MACROD2: variants seen among roughly 807,000 people sequenced by gnomAD.
MACROD2 encodes mono-ADP ribosylhydrolase 2.
MACROD2 carries 36 observed loss-of-function variants against 70.4 expected under a neutral mutation model. The observed-to-expected ratio is 0.51, with a 90% CI of 0.39 to 0.68. MACROD2 has a LOEUF of 0.68. MACROD2 is among the 30% of genes least tolerant of loss of function. The pLI is 0.00. For synonymous variants in MACROD2, 172 were observed against 178.8 expected (o/e 0.96, Z 0.30); for missense variants, 496 against 538.4 (o/e 0.92, Z 0.78).
chr20:14,084,337 T>G (rs1601202491), intron 2 of MACROD2, among the ~76,000 whole-genome samples: 1 of 152,040 alleles, frequency 6.6e-6, no homozygotes, highest in African/African-American at 2.4e-5. Flanking sequence ...CATTAAAAAT[T>G]TATGCATATC....
intron 3 of MACROD2, among the ~76,000 whole-genome samples, chr20:14,126,671 A>T (rs1160835546): frequency 6.6e-6 from 1 of 152,056 alleles, no homozygotes; most frequent in East Asian, 1.9e-4. Context: ...AATTTAAAAC[A>T]TTTTCAATTA....
intron 15 of MACROD2, among the ~76,000 whole-genome samples, chr20:16,006,149 G>T (rs1470252293): frequency 6.6e-6 from 1 of 152,042 alleles, no homozygotes; most frequent in Non-Finnish European, 1.5e-5. Context: ...CCTTCTTTAG[G>T]CACTTTAAAT....
chr20:15,927,816 TAA>T (rs1010609398), intron 10 of MACROD2, among the ~76,000 whole-genome samples: 62 of 152,188 alleles, frequency 4.1e-4, no homozygotes, highest in Admixed American at 2.4e-3. Context: ...GGTTTGGAAC[TAA>T]CATTCCCTCC....
chr20:15,759,132 C>A (rs1406446247), intron 8 of MACROD2, among the ~76,000 whole-genome samples: 2 of 106,532 alleles, frequency 1.9e-5, no homozygotes, highest in African/African-American at 7.6e-5. Context: ...GGTGACAGAG[C>A]AAGACTCCAT....
In MACROD2 at chr20:14,067,123, G is replaced by GTTTTTTT. The variant is rs544348706; in HGVS notation, c.164-18485_164-18479dup. On this transcript the variant is annotated intron_variant, in intron 2 of 17. Coordinates refer to ENST00000684519, the MANE Select transcript of MACROD2 (RefSeq NM_001351661.2). ...ACTGCACCTGGCCTGATTTTTTAGTGTTTTTTTTTTTTTTTTTTTGAGACA... is the reference window on the plus strand; with the variant it reads ...ACTGCACCTGGCCTGATTTTTTAGTGTTTTTTTTTTTTTTTTTTTTTTTTTTGAGACA... Among the ~76,000 whole-genome samples, 234 of 85,036 alleles carry GTTTTTTT rather than the reference G, an allele frequency of 2.8e-3. 3 individuals are homozygous for GTTTTTTT. The highest frequency in any genetic ancestry group is 4.7e-3 in the East Asian group (13 of 2,794). The allele number at this position is 85,036 out of a possible 152,430, so 55.8% of individuals were successfully genotyped here.
At chr20:15,328,847 GAAAAGAATGCC>G (rs1202243659) in intron 6 of MACROD2, among the ~76,000 whole-genome samples, 1 of 151,876 alleles carries the variant, frequency 6.6e-6, no homozygotes, top group Non-Finnish European at 1.5e-5. Flanking sequence ...CTAAAATTCA[GAAAAGAATGCC>G]AAAAGATATT....
At chr20:15,152,520 C>A (rs908058017) in intron 5 of MACROD2, among the ~76,000 whole-genome samples, 1 of 151,742 alleles carries the variant, frequency 6.6e-6, no homozygotes, top group Admixed American at 6.6e-5. Flanking sequence ...GGGATCGGGG[C>A]ACAGAGATAA....
chr20:15,292,958 T>G (rs1278147434), intron 6 of MACROD2, among the ~76,000 whole-genome samples: 3 of 152,130 alleles, frequency 2.0e-5, no homozygotes, highest in Non-Finnish European at 4.4e-5. Flanking sequence ...TCTGATGGAG[T>G]GAGGTCCCTG....
chr20:15,648,545 C>T (rs1451810749), intron 8 of MACROD2, among the ~76,000 whole-genome samples: 1 of 152,178 alleles, frequency 6.6e-6, no homozygotes, highest in East Asian at 1.9e-4. Context: ...GCATACACAT[C>T]TGAGAAATTC....
chr20:15,764,458 C>A (rs1358136780), intron 8 of MACROD2, among the ~76,000 whole-genome samples: 2 of 152,202 alleles, frequency 1.3e-5, no homozygotes, highest in East Asian at 3.9e-4. Context: ...TCCCTTCCAC[C>A]AAACCTGTTT....
At chr20:15,887,044 G>A (rs1186288194) in intron 10 of MACROD2, among the ~76,000 whole-genome samples, 1 of 152,018 alleles carries the variant, frequency 6.6e-6, no homozygotes, top group African/African-American at 2.4e-5. Context: ...ATTTTGTGTT[G>A]CTTCTCATTT....
intron 5 of MACROD2, among the ~76,000 whole-genome samples, chr20:15,015,785 T>A (rs184715871): frequency 6.6e-6 from 1 of 152,236 alleles, no homozygotes; most frequent in Non-Finnish European, 1.5e-5. Context: ...GTTAGAACTA[T>A]GGCAGGAAGC....
At position 14,136,341 on chromosome 20, in the gene MACROD2, C is replaced by T. The variant is rs190946737; in HGVS notation, c.271+50613C>T. The stretch of plus-strand genomic sequence containing the variant: ...GGAGTTAGCCGGGGGCAGTGGTTCA[C>T]GCCTGTAATCCTAGCACTTTGGGAG... On this transcript the variant is annotated intron_variant, in intron 3 of 17. Transcript: ENST00000684519. 5.9e-4 allele frequency among the ~76,000 whole-genome samples: 90 copies of T among 152,226 alleles called. 1 individual carries two copies. The highest frequency in any genetic ancestry group is 8.5e-4 in the Non-Finnish European group (58 of 68,000).
intron 3 of MACROD2, among the ~76,000 whole-genome samples, chr20:14,448,693 AAAGAAAGG>A (rs1226239813): frequency 2.0e-5 from 3 of 152,028 alleles, no homozygotes; most frequent in Admixed American, 6.5e-5. Flanking sequence ...AGAAAGAAAG[AAAGAAAGG>A]CGGTGAGAGA....
At chr20:15,087,856 T>C (rs1399719381) in intron 5 of MACROD2, among the ~76,000 whole-genome samples, 2 of 152,008 alleles carry the variant, frequency 1.3e-5, no homozygotes, top group African/African-American at 4.8e-5. Flanking sequence ...AAGGATATCT[T>C]TTCTAGGTAA....
chr20:14,447,824 G>T (rs184475878), intron 3 of MACROD2, among the ~76,000 whole-genome samples: 29 of 151,910 alleles, frequency 1.9e-4, no homozygotes, highest in Non-Finnish European at 1.9e-4. Context: ...GCCAGAGACC[G>T]CAGAGCAACT....
chr20:14,842,217 T>C (rs1417383840), intron 5 of MACROD2, among the ~76,000 whole-genome samples: 1 of 152,032 alleles, frequency 6.6e-6, no homozygotes, highest in Non-Finnish European at 1.5e-5. Flanking sequence ...TCTGCAATAA[T>C]AAACCCACTC....
chr20:15,066,849 T>C (rs1421761947), intron 5 of MACROD2, among the ~76,000 whole-genome samples: 4 of 147,390 alleles, frequency 2.7e-5, no homozygotes, highest in Non-Finnish European at 5.9e-5. Flanking sequence ...ACCACTGCAC[T>C]CCATCCTGGG....
intron 3 of MACROD2, among the ~76,000 whole-genome samples, chr20:14,433,621 GAA>G (rs2084020888): frequency 6.6e-6 from 1 of 152,206 alleles, no homozygotes; most frequent in East Asian, 1.9e-4. Context: ...TAAGTTTCCT[GAA>G]GAGTTAAGAC....
Sources: allele counts gnomAD v4.1 joint callset (sites outside exome capture counted in the v4.1 genomes callset), GRCh38; gene constraint gnomAD v4.1.1; transcripts MANE v1.5; gene names NCBI Gene and HGNC (gene_info 2026-07-23, HGNC 2026-07-21).